CDK13: variants seen among roughly 807,000 people sequenced by gnomAD.
CDK13 encodes cyclin-dependent kinase 13.
A neutral mutation model predicts 137.6 loss-of-function variants in CDK13; 40 were observed. The observed-to-expected ratio is 0.29, with a 90% confidence interval of 0.23 to 0.38. CDK13 has a LOEUF of 0.38. Among genes scored for constraint, CDK13 ranks in the 10% least tolerant of loss-of-function variants. CDK13 has a pLI of 1.00. For synonymous variants in CDK13, 869 were observed against 760.1 expected, an observed-to-expected ratio of 1.14 and a Z score of -2.36; for missense variants, 1,704 against 1,951.8, an observed-to-expected ratio of 0.87 and a Z score of 2.39.
intron 5 of CDK13, among the ~76,000 whole-genome samples, chr7:40,003,026 C>T (rs1405297266): frequency 2.6e-5 from 4 of 151,910 alleles, no homozygotes; most frequent in African/African-American, 4.8e-5. Flanking sequence ...CTTCAGTGAG[C>T]TGTGATTGCA....
intron 12 of CDK13, among the ~76,000 whole-genome samples, chr7:40,089,280 C>CAA (rs1193505564): frequency 7.2e-6 from 1 of 138,920 alleles, no homozygotes; most frequent in Non-Finnish European, 1.6e-5. Flanking sequence ...ACTAAAAATA[C>CAA]AAAAAAAAAA....
chr7:40,019,970 T>G (rs921086920), intron 5 of CDK13, among the ~76,000 whole-genome samples: 4 of 152,196 alleles, frequency 2.6e-5, no homozygotes, highest in African/African-American at 9.7e-5. Flanking sequence ...TTTCATGAAG[T>G]TTTTTTGTTA....
chr7:39,999,226 T>C (rs1360688687), intron 3 of CDK13, 135 bp from the exon 4 acceptor site: 1 of 617,808 alleles, frequency 1.6e-6, no homozygotes, highest in Non-Finnish European at 2.6e-6. Flanking sequence ...TTGTTTGGGA[T>C]AGATGATGAT....
chr7:40,086,809 CTT>C (rs35337864), intron 11 of CDK13, among the ~76,000 whole-genome samples: 20 of 122,462 alleles, frequency 1.6e-4, no homozygotes, highest in Non-Finnish European at 1.0e-4. Context: ...TAGCCTTACT[CTT>C]TTTTTTTTTT....
chr7:39,997,901 G>A, intron 3 of CDK13: 1 of 408,140 alleles, frequency 2.5e-6, no homozygotes. Flanking sequence ...TAATTTCCTG[G>A]GGTATTGTAT....
intron 5 of CDK13, among the ~76,000 whole-genome samples, chr7:40,004,614 A>G (rs1488731221): frequency 6.6e-6 from 1 of 152,224 alleles, no homozygotes; most frequent in Admixed American, 6.5e-5. Flanking sequence ...CATTACACTA[A>G]TTGTGATTGC....
chr7:39,988,935 T>C (rs2116272705), intron 2 of CDK13, among the ~76,000 whole-genome samples: 1 of 151,218 alleles, frequency 6.6e-6, no homozygotes, highest in Admixed American at 6.6e-5. Flanking sequence ...TACAAAAAAC[T>C]TAGCTGGGCG....
At chr7:40,076,829 A>G (rs1017026637) in intron 9 of CDK13, among the ~76,000 whole-genome samples, 1 of 152,118 alleles carries the variant, frequency 6.6e-6, no homozygotes, top group African/African-American at 2.4e-5. Flanking sequence ...GTATTTACGT[A>G]TGTTTGGAAT....
rs1787048585 is a variant in CDK13 at position 40,096,421 on chromosome 7, G to T, written c.*1441G>T. 1 of 151,924 alleles carries T rather than the reference G, an allele frequency of 6.6e-6. No homozygotes were observed. The highest frequency in any genetic ancestry group is 6.6e-5 in the Admixed American group (1 of 15,226). The allele number at this position is 151,924 out of a possible 1,614,324, so 9.4% of individuals were successfully genotyped here. On this transcript the variant is annotated 3_prime_UTR_variant, in exon 14 of 14. Coordinates refer to ENST00000181839, the MANE Select transcript of CDK13 (RefSeq NM_003718.5). Reference sequence around the variant, plus strand: ...CTGTAATGGTGTCAAGTCTCACTGTGTGCACACTCTCACACATACACACAC... The same window carrying T: ...CTGTAATGGTGTCAAGTCTCACTGTTTGCACACTCTCACACATACACACAC...
At chr7:40,023,490 C>T (rs552819417) in intron 5 of CDK13, among the ~76,000 whole-genome samples, 1 of 150,378 alleles carries the variant, frequency 6.6e-6, no homozygotes, top group Admixed American at 6.7e-5. Flanking sequence ...TAGCCTTCAA[C>T]CTTGGATTGA....
At chr7:39,974,377 C>T (rs182665378) in intron 1 of CDK13, among the ~76,000 whole-genome samples, 7 of 152,044 alleles carry the variant, frequency 4.6e-5, no homozygotes, top group African/African-American at 1.7e-4. Flanking sequence ...GGGAGTATTA[C>T]CTTTTAACAA....
chr7:40,032,928 A>G (rs1785410518), intron 5 of CDK13, among the ~76,000 whole-genome samples: 2 of 152,186 alleles, frequency 1.3e-5, no homozygotes, highest in African/African-American at 4.8e-5. Context: ...CCACACAATA[A>G]CTTGCTGGGA....
chr7:40,066,654 G>A (rs541170683), intron 9 of CDK13: 1 of 152,304 alleles, frequency 6.6e-6, no homozygotes, highest in African/African-American at 2.4e-5. Flanking sequence ...AATCCAAGAT[G>A]TGGTATTAGA....
chr7:40,063,186 A>G, intron 9 of CDK13, 86 bp downstream of exon 9: 1 of 1,016,908 alleles, frequency 9.8e-7, no homozygotes, highest in Non-Finnish European at 1.5e-6. Context: ...TTGTCTTTTC[A>G]GGAAGAGAAC....
At chr7:40,062,655 A>AT in intron 7 of CDK13, 171 bp from the exon 8 acceptor site, 1 of 623,152 alleles carries the variant, frequency 1.6e-6, no homozygotes, top group Non-Finnish European at 2.8e-6. Context: ...CCTCACATAC[A>AT]TTTTATGATC....
chr7:39,974,227 G>C (rs1014483207), intron 1 of CDK13, among the ~76,000 whole-genome samples: 7 of 151,650 alleles, frequency 4.6e-5, no homozygotes, highest in Non-Finnish European at 8.8e-5. Flanking sequence ...GTATTATCTT[G>C]TTAATTTTTT....
At chr7:39,984,532 G>A (rs1001737782) in intron 1 of CDK13, 6 of 151,982 alleles carry the variant, frequency 3.9e-5, no homozygotes, top group Admixed American at 6.6e-5. Context: ...GGTTACATGA[G>A]ATATTTTGAT....
chr7:40,037,459 C>T lies in CDK13; in HGVS notation c.2354-8377C>T, dbSNP rs556191231. ...CAAAGTTGCTTAAATATCCTGACAG[C>T]CTTGGTGGCTGGCTTCTCCCAGGTT... On this transcript the variant is annotated intron_variant, in intron 5 of 13. Coordinates refer to ENST00000181839, the MANE Select transcript of CDK13 (RefSeq NM_003718.5). Among the ~76,000 whole-genome samples, 5 of 152,298 alleles carry T rather than the reference C, an allele frequency of 3.3e-5. No individual in the cohort carries two copies. In the East Asian group the frequency reaches 9.6e-4, roughly 29 times the overall value.
chr7:40,003,153 TAC>T (rs71560157), intron 5 of CDK13, among the ~76,000 whole-genome samples: 5,192 of 119,544 alleles, frequency 0.043, 89 homozygotes, highest in East Asian at 0.071. Context: ...CTTCCCCAGC[TAC>T]ACACACACAC....
Sources: allele counts gnomAD v4.1 joint callset (sites outside exome capture counted in the v4.1 genomes callset), GRCh38; gene constraint gnomAD v4.1.1; transcripts MANE v1.5; gene names NCBI Gene and HGNC (gene_info 2026-07-23, HGNC 2026-07-21).